The following LIMCH1 variants were observed in gnomAD, a reference collection of about 807,000 sequenced individuals.
LIMCH1 encodes the protein LIM and calponin homology domains 1, also known as LIM and calponin homology domains-containing protein 1.
In LIMCH1, 113 loss-of-function variants were observed where a neutral mutation model predicts 176.5. The observed-to-expected ratio is 0.64, with a 90% CI of 0.55 to 0.75. LIMCH1 has a LOEUF of 0.75. LIMCH1 is among the 30% of genes least tolerant of loss of function. LIMCH1 has a pLI of 0.00. For synonymous variants in LIMCH1, 619 were observed against 645.9 expected, an observed-to-expected ratio of 0.96 and a Z score of 0.63; for missense variants, 1,674 against 1,814.9, an observed-to-expected ratio of 0.92 and a Z score of 1.41.
chr4:41,511,073 C>T lies in LIMCH1; in HGVS notation c.168-13336C>T, dbSNP rs4552507. On this transcript the variant is annotated intron_variant, in intron 2 of 26. Coordinates refer to the LIMCH1 transcript ENST00000313860. ...CTAACATTCCCAAACATGGCTTCAT[C>T]GTGACTGGTGGCCTCTTCCCAGAAG... 2.0e-5 allele frequency among the ~76,000 whole-genome samples: 3 copies of T among 152,188 alleles called. No individual in the cohort carries two copies. The East Asian group carries it at 5.8e-4, about 29-fold the overall frequency.
At position 41,612,395 on chromosome 4, in the gene LIMCH1, A is replaced by G. The variant is rs2091533732; in HGVS notation, c.10-1071A>G. On this transcript the variant is annotated intron_variant, in intron 4 of 31. Transcript: ENST00000503057. ...GGGACTTTCGCGAGCATCCCAGGGAATCTGCAGTGTGGCATTCCAGTCTTT... is the reference window on the plus strand; with the variant it reads ...GGGACTTTCGCGAGCATCCCAGGGAGTCTGCAGTGTGGCATTCCAGTCTTT... 7 of 591,008 alleles carry G rather than the reference A, an allele frequency of 1.2e-5. No individual in the cohort carries two copies. The Admixed American group carries it at 2.0e-4, about 17-fold the overall frequency. The allele number at this position is 591,008 out of a possible 1,614,324, so 36.6% of individuals were successfully genotyped here.
intron 1 of LIMCH1, among the ~76,000 whole-genome samples, chr4:41,361,729 C>G (rs375717819): frequency 1.3e-5 from 2 of 152,216 alleles, no homozygotes; most frequent in Non-Finnish European, 2.9e-5. Context: ...GATCCTGATT[C>G]ACGATGTCTA....
intron 2 of LIMCH1, among the ~76,000 whole-genome samples, chr4:41,517,567 C>T (rs1313242278): frequency 6.6e-6 from 1 of 152,178 alleles, no homozygotes; most frequent in Admixed American, 6.5e-5. Flanking sequence ...TGCATAGCAT[C>T]CCACAAGCAT....
In LIMCH1 at chr4:41,482,215, G is replaced by T. The variant is rs376932586; in HGVS notation, c.97-12321G>T. Among the ~76,000 whole-genome samples the T allele has an allele frequency of 2.6e-4, 39 of 152,278 alleles. No homozygotes were observed. The South Asian group carries it at 8.1e-3, about 32-fold the overall frequency. On this transcript the variant is annotated intron_variant, in intron 1 of 26. Coordinates refer to the LIMCH1 transcript ENST00000313860. Reference sequence around the variant, plus strand: ...AGTAGAGATGTTGACTAAGAAATTGGATACTTGATTCTGGACCAGAGGTCA... The same window carrying T: ...AGTAGAGATGTTGACTAAGAAATTGTATACTTGATTCTGGACCAGAGGTCA...
chr4:41,690,419 C>T (rs1001516294), intron 30 of LIMCH1, among the ~76,000 whole-genome samples: 24 of 152,116 alleles, frequency 1.6e-4, no homozygotes, highest in Non-Finnish European at 3.5e-4. Context: ...ACCAGTTATA[C>T]CTGATTTATT....
At chr4:41,381,705 G>A (rs1478490794) in intron 1 of LIMCH1, among the ~76,000 whole-genome samples, 5 of 152,038 alleles carry the variant, frequency 3.3e-5, no homozygotes, top group South Asian at 2.1e-4. Flanking sequence ...CTCTGTCATC[G>A]CTGTGACAAG....
intron 2 of LIMCH1, among the ~76,000 whole-genome samples, chr4:41,521,898 G>T (rs1249002835): frequency 1.3e-5 from 2 of 151,922 alleles, no homozygotes; most frequent in African/African-American, 4.8e-5. Flanking sequence ...TTTTACAAAG[G>T]ATGAATACCA....
At chr4:41,494,422 C>A in intron 1 of LIMCH1, 1 of 661,916 alleles carries the variant, frequency 1.5e-6, no homozygotes, top group Non-Finnish European at 2.6e-6. Flanking sequence ...TACATATATA[C>A]ACATACATAG....
intron 1 of LIMCH1, among the ~76,000 whole-genome samples, chr4:41,561,186 GA>G (rs1469565271): frequency 6.6e-6 from 1 of 152,142 alleles, no homozygotes; most frequent in African/African-American, 2.4e-5. Flanking sequence ...GAAAGGAAAA[GA>G]AACAATACTG....
In LIMCH1 at chr4:41,556,207, C is replaced by G. The variant is rs578255448; in HGVS notation, c.-241+17857C>G. Among the ~76,000 whole-genome samples the G allele has an allele frequency of 1.6e-4, 24 of 151,932 alleles. 1 individual carries two copies. The South Asian group carries it at 4.0e-3, about 25-fold the overall frequency. On this transcript the variant is annotated intron_variant, in intron 1 of 31. Coordinates refer to ENST00000503057, the MANE Select transcript of LIMCH1 (RefSeq NM_001330672.2). ...GTCAGGAGTTCAAGACCAGCCTGACCAACATGGCAAAACCCTGTCTCTACT... is the reference window on the plus strand; with the variant it reads ...GTCAGGAGTTCAAGACCAGCCTGACGAACATGGCAAAACCCTGTCTCTACT...
intron 1 of LIMCH1, among the ~76,000 whole-genome samples, chr4:41,491,895 C>T (rs2071114911): frequency 6.7e-6 from 1 of 150,124 alleles, no homozygotes; most frequent in Non-Finnish European, 1.5e-5. Context: ...GGCAGCCGGG[C>T]AGAGGCACTC....
chr4:41,664,476 A>G (rs1030644026), intron 20 of LIMCH1, among the ~76,000 whole-genome samples: 4 of 152,182 alleles, frequency 2.6e-5, no homozygotes, highest in African/African-American at 9.7e-5. Context: ...CTTCATTTTT[A>G]TAGATAATTA....
At chr4:41,467,574 A>G (rs539283081) in intron 1 of LIMCH1, among the ~76,000 whole-genome samples, 8 of 152,264 alleles carry the variant, frequency 5.3e-5, no homozygotes, top group Non-Finnish European at 1.0e-4. Context: ...AGCATAGGAA[A>G]AACCCACCCC....
At chr4:41,651,592 T>G (rs1264635300) in intron 18 of LIMCH1, among the ~76,000 whole-genome samples, 1 of 152,006 alleles carries the variant, frequency 6.6e-6, no homozygotes, top group East Asian at 1.9e-4. Context: ...AAATACCTTT[T>G]CCCCCCCTGT....
chr4:41,597,246 G>T (rs2089039812), intron 1 of LIMCH1, among the ~76,000 whole-genome samples: 1 of 152,126 alleles, frequency 6.6e-6, no homozygotes. Flanking sequence ...TTTGGGGGCT[G>T]TGTGATCTTG....
intron 13 of LIMCH1, 79 bp from the exon 14 acceptor site, chr4:41,638,853 G>T: frequency 8.6e-7 from 1 of 1,163,190 alleles, no homozygotes; most frequent in South Asian, 1.2e-5. Flanking sequence ...GTATTTCACC[G>T]GCAGTTTCTA....
intron 13 of LIMCH1, among the ~76,000 whole-genome samples, chr4:41,638,137 TTC>T (rs2093674299): frequency 3.3e-5 from 5 of 152,076 alleles, no homozygotes; most frequent in African/African-American, 1.2e-4. Context: ...TTGTTGTTTT[TTC>T]ATGTGCTGGA....
chr4:41,415,111 A>C (rs1355797707), intron 1 of LIMCH1, among the ~76,000 whole-genome samples: 1 of 152,166 alleles, frequency 6.6e-6, no homozygotes, highest in Non-Finnish European at 1.5e-5. Context: ...AGTGCTCAAT[A>C]ATTACTAGCT....
rs927401151 is a variant in LIMCH1 at position 41,538,277 on chromosome 4, A to G, written c.-314A>G. ...CTGTGCTGGGGCTGACGAGGAGCAC[A>G]CAGGAGAGATGCCCCTCCCATCTCC... On this transcript the variant is annotated 5_prime_UTR_variant, in exon 1 of 32. Coordinates refer to ENST00000503057, the MANE Select transcript of LIMCH1 (RefSeq NM_001330672.2). 1 of 985,468 alleles carries G rather than the reference A, an allele frequency of 1.0e-6. No homozygotes were observed. The highest frequency in any genetic ancestry group is 1.7e-5 in the African/African-American group (1 of 57,358). The allele number at this position is 985,468 out of a possible 1,614,324, so 61.0% of individuals were successfully genotyped here.
Sources: gnomAD v4.1 joint callset for allele counts (sites outside exome capture counted in the v4.1 genomes callset) on GRCh38, gnomAD v4.1.1 for gene constraint, MANE v1.5 for transcripts, NCBI Gene and HGNC (gene_info 2026-07-23, HGNC 2026-07-21) for gene names.